Variants in DLG2 observed in about 807,000 individuals in gnomAD.
DLG2 encodes disks large homolog 2.
DLG2 carries 45 observed loss-of-function variants against 132.5 expected under a neutral mutation model. The observed-to-expected ratio is 0.34, with a 90% CI of 0.27 to 0.44. The LOEUF is 0.44. Ranked by LOEUF, DLG2 falls within the 20% of genes least tolerant of loss-of-function variation. DLG2 has a pLI of 1.00. For missense variants in DLG2, 1,045 were observed against 1,196.9 expected (o/e 0.87, Z 1.87); for synonymous variants, 424 against 419.6 (o/e 1.01, Z -0.13).
intron 6 of DLG2, among the ~76,000 whole-genome samples, chr11:85,111,099 T>A (rs568877678): frequency 6.6e-6 from 1 of 152,118 alleles, no homozygotes; most frequent in South Asian, 2.1e-4. Flanking sequence ...AGTGCTACAA[T>A]TGATGCACTA....
chr11:84,795,105 A>G (rs1305023436), intron 6 of DLG2, among the ~76,000 whole-genome samples: 1 of 152,132 alleles, frequency 6.6e-6, no homozygotes, highest in Admixed American at 6.5e-5. Context: ...CCCACCCATC[A>G]CTGCCTGTGG....
chr11:85,247,300 G>A (rs1420482116), intron 4 of DLG2, among the ~76,000 whole-genome samples: 2 of 151,990 alleles, frequency 1.3e-5, no homozygotes, highest in African/African-American at 4.8e-5. Flanking sequence ...CTCTACTGCT[G>A]CTGCATTTGC....
chr11:84,606,137 C>CA (rs1362823493), intron 6 of DLG2, among the ~76,000 whole-genome samples: 1 of 151,904 alleles, frequency 6.6e-6, no homozygotes, highest in African/African-American at 2.4e-5. Context: ...ATTGATTTTA[C>CA]AAAAAATTAA....
intron 6 of DLG2, among the ~76,000 whole-genome samples, chr11:84,602,222 A>T (rs2099577855): frequency 6.6e-6 from 1 of 151,924 alleles, no homozygotes; most frequent in African/African-American, 2.4e-5. Context: ...GGACACAGTA[A>T]AATAGCTGCA....
At chr11:84,785,905 C>T (rs576182517) in intron 6 of DLG2, among the ~76,000 whole-genome samples, 21 of 151,874 alleles carry the variant, frequency 1.4e-4, no homozygotes, top group African/African-American at 5.1e-4. Flanking sequence ...TATTTCAGTT[C>T]CATCTTGTCA....
At chr11:85,002,805 A>G (rs963024343) in intron 6 of DLG2, among the ~76,000 whole-genome samples, 34 of 151,544 alleles carry the variant, frequency 2.2e-4, no homozygotes, top group South Asian at 2.1e-4. Context: ...CTGCTTGGCC[A>G]CCTCTGAGAT....
At chr11:85,168,757 T>G (rs2078637328) in intron 4 of DLG2, among the ~76,000 whole-genome samples, 1 of 152,200 alleles carries the variant, frequency 6.6e-6, no homozygotes, top group South Asian at 2.1e-4. Flanking sequence ...ACCTTTCACA[T>G]GCATTTCCAG....
chr11:84,302,885 T>C (rs182169384), intron 7 of DLG2, among the ~76,000 whole-genome samples: 2 of 152,092 alleles, frequency 1.3e-5, no homozygotes, highest in East Asian at 3.9e-4. Flanking sequence ...TCAGGAGTTC[T>C]AAACCAGCTT....
intron 19 of DLG2, among the ~76,000 whole-genome samples, chr11:83,560,205 C>T (rs149965042): frequency 7.4e-4 from 112 of 151,914 alleles, no homozygotes; most frequent in African/African-American, 2.6e-3. Flanking sequence ...GCAACCTCTG[C>T]CTTCTGGGTT....
chr11:83,975,362 A>G (rs1425768605), intron 12 of DLG2, among the ~76,000 whole-genome samples: 1 of 152,050 alleles, frequency 6.6e-6, no homozygotes, highest in East Asian at 1.9e-4. Flanking sequence ...TAAAAAACAA[A>G]ACAAAATTCT....
intron 3 of DLG2, among the ~76,000 whole-genome samples, chr11:85,430,292 T>A (rs2091082165): frequency 6.6e-6 from 1 of 151,692 alleles, no homozygotes; most frequent in East Asian, 1.9e-4. Context: ...ACATGGCACA[T>A]ATATACATAT....
chr11:84,377,762 T>C (rs1047856726), intron 7 of DLG2, among the ~76,000 whole-genome samples: 21 of 152,156 alleles, frequency 1.4e-4, no homozygotes, highest in Admixed American at 1.3e-3. Flanking sequence ...ATTTAAAACA[T>C]ATATATTTTA....
At chr11:83,837,815 C>A (rs1258033292) in intron 16 of DLG2, among the ~76,000 whole-genome samples, 3 of 151,506 alleles carry the variant, frequency 2.0e-5, no homozygotes, top group Non-Finnish European at 4.4e-5. Flanking sequence ...TTGTTGCCTC[C>A]TTTCCAACTC....
intron 6 of DLG2, among the ~76,000 whole-genome samples, chr11:84,610,056 A>G (rs2099592687): frequency 6.6e-6 from 1 of 152,112 alleles, no homozygotes; most frequent in South Asian, 2.1e-4. Context: ...TGTAGGGATA[A>G]TAATTGTAGC....
chr11:85,106,404 G>C (rs143681507), intron 6 of DLG2, among the ~76,000 whole-genome samples: 95 of 152,002 alleles, frequency 6.2e-4, no homozygotes, highest in Middle Eastern at 6.8e-3. Context: ...TTCAAGAACT[G>C]CAAGATTCTG....
chr11:84,947,310 G>A (rs2050343239), intron 6 of DLG2, among the ~76,000 whole-genome samples: 1 of 152,136 alleles, frequency 6.6e-6, no homozygotes, highest in Non-Finnish European at 1.5e-5. Context: ...TGGCCATCTT[G>A]CACCACTGCC....
At chr11:84,118,258 T>G (rs2093733611) in intron 9 of DLG2, among the ~76,000 whole-genome samples, 1 of 152,196 alleles carries the variant, frequency 6.6e-6, no homozygotes, top group Admixed American at 6.5e-5. Context: ...CAGTTCACCA[T>G]TTGAAGAAGA....
intron 3 of DLG2, among the ~76,000 whole-genome samples, chr11:85,352,504 T>C (rs2083373263): frequency 6.6e-6 from 1 of 152,190 alleles, no homozygotes; most frequent in Non-Finnish European, 1.5e-5. Context: ...GATGTTAGGA[T>C]TGATTTTAGA....
chr11:85,188,719 A>C (rs2080308761), intron 4 of DLG2, among the ~76,000 whole-genome samples: 1 of 152,198 alleles, frequency 6.6e-6, no homozygotes, highest in African/African-American at 2.4e-5. Flanking sequence ...AATAACTGAA[A>C]TTTAAAACTC....
Sources: allele counts gnomAD v4.1 joint callset (sites outside exome capture counted in the v4.1 genomes callset), GRCh38; gene constraint gnomAD v4.1.1; transcripts MANE v1.5; gene names NCBI Gene and HGNC (gene_info 2026-07-23, HGNC 2026-07-21).